Variants in ANKRD44 observed in about 807,000 individuals in gnomAD.
The protein encoded by ANKRD44 is ankyrin repeat domain 44.
Under a neutral mutation model 116.0 loss-of-function variants are expected in ANKRD44, and 35 were observed. The ratio of observed to expected loss-of-function variants is 0.30; its 90% CI spans 0.23 to 0.40. The LOEUF is 0.40. ANKRD44 is among the 10% of genes least tolerant of loss of function. The pLI is 1.00. For missense variants in ANKRD44, 1,014 were observed against 1,242.6 expected, an observed-to-expected ratio of 0.82 and a Z score of 2.77; for synonymous variants, 435 against 461.8, an observed-to-expected ratio of 0.94 and a Z score of 0.74.
chr2:197,109,035 AGCATGGCCTGACGCACAGGGATGAACCT>A (rs2078503884), intron 9 of ANKRD44, among the ~76,000 whole-genome samples: 1 of 152,236 alleles, frequency 6.6e-6, no homozygotes, highest in Non-Finnish European at 1.5e-5. Context: ...AGAGATGACC[AGCATGGCCTGACGCACAGGGATGAACCT>A]GCGGGGAAGG....
intron 1 of ANKRD44, chr2:197,198,832 T>C (rs2081024981): frequency 7.1e-6 from 1 of 140,900 alleles, no homozygotes; most frequent in Admixed American, 6.7e-5. Flanking sequence ...AATGTAAATC[T>C]AGCTCCACCT....
At chr2:197,193,806 C>T (rs797019340) in intron 1 of ANKRD44, among the ~76,000 whole-genome samples, 25 of 152,198 alleles carry the variant, frequency 1.6e-4, no homozygotes, top group African/African-American at 5.3e-4. Flanking sequence ...GGCGTGAACC[C>T]GGGAGGCAGA....
intron 4 of ANKRD44, among the ~76,000 whole-genome samples, chr2:197,131,386 T>G (rs1169241908): frequency 6.6e-6 from 1 of 151,746 alleles, no homozygotes; most frequent in African/African-American, 2.4e-5. Context: ...AGAGACGGGG[T>G]TTCACCATGT....
intron 17 of ANKRD44, among the ~76,000 whole-genome samples, chr2:197,024,893 T>G (rs2076562160): frequency 6.6e-6 from 1 of 152,246 alleles, no homozygotes; most frequent in South Asian, 2.1e-4. Flanking sequence ...TAAAGACGGT[T>G]AAACTCTACA....
intron 25 of ANKRD44, 41 bp from the exon 26 acceptor site, chr2:196,995,502 C>G: frequency 1.4e-6 from 2 of 1,429,876 alleles, no homozygotes; most frequent in Non-Finnish European, 1.9e-6. Flanking sequence ...AAGATAGAGA[C>G]ACAGAAAAGT....
At chr2:197,074,130 C>G (rs945713887) in intron 16 of ANKRD44, among the ~76,000 whole-genome samples, 1 of 152,210 alleles carries the variant, frequency 6.6e-6, no homozygotes, top group Non-Finnish European at 1.5e-5. Flanking sequence ...TGCTCACCCC[C>G]ACCCTCGCCC....
At chr2:196,979,791 A>G (rs1263473927) in intron 21 of ANKRD44, among the ~76,000 whole-genome samples, 1 of 151,836 alleles carries the variant, frequency 6.6e-6, no homozygotes, top group African/African-American at 2.4e-5. Context: ...CGAACTCCCA[A>G]CCTCAGGTGA....
intron 1 of ANKRD44, among the ~76,000 whole-genome samples, chr2:197,238,664 G>T (rs1359494371): frequency 6.6e-6 from 1 of 151,948 alleles, no homozygotes; most frequent in Non-Finnish European, 1.5e-5. Flanking sequence ...GACTGGTATG[G>T]TGCTCGATGG....
chr2:197,107,045 T>C (rs1176643726), intron 9 of ANKRD44, among the ~76,000 whole-genome samples: 2 of 152,198 alleles, frequency 1.3e-5, no homozygotes, highest in Non-Finnish European at 2.9e-5. Flanking sequence ...ATATTGGAGA[T>C]TGATCATTGA....
chr2:197,228,945 G>T (rs936759459), intron 1 of ANKRD44, among the ~76,000 whole-genome samples: 1 of 152,220 alleles, frequency 6.6e-6, no homozygotes, highest in South Asian at 2.1e-4. Context: ...TGAGGCAGCA[G>T]AATCACTTGA....
intron 2 of ANKRD44, among the ~76,000 whole-genome samples, chr2:197,175,645 G>A (rs968107596): frequency 3.9e-5 from 6 of 152,166 alleles, no homozygotes; most frequent in African/African-American, 1.2e-4. Context: ...TTGCAGCAAT[G>A]TGATTCCTTC....
chr2:197,157,062 A>G (rs540447584), intron 2 of ANKRD44, among the ~76,000 whole-genome samples: 2 of 152,324 alleles, frequency 1.3e-5, no homozygotes, highest in South Asian at 2.1e-4. Flanking sequence ...AAAACTTCGC[A>G]AACTGTACAC....
chr2:197,112,723 G>GA (rs1263057691), intron 8 of ANKRD44, among the ~76,000 whole-genome samples: 2 of 134,628 alleles, frequency 1.5e-5, no homozygotes, highest in Non-Finnish European at 3.2e-5. Context: ...AAAAAAAAAA[G>GA]AAAAAAAGAA....
intron 8 of ANKRD44, among the ~76,000 whole-genome samples, chr2:197,115,271 T>C (rs1247205219): frequency 6.6e-6 from 1 of 152,236 alleles, no homozygotes. Flanking sequence ...GTGCCTTCTT[T>C]AACGCTTACT....
intron 17 of ANKRD44, among the ~76,000 whole-genome samples, chr2:197,018,649 T>C (rs1232296024): frequency 6.6e-6 from 1 of 152,240 alleles, no homozygotes; most frequent in Non-Finnish European, 1.5e-5. Flanking sequence ...TTGCTTATTG[T>C]TTGTGATTGA....
intron 21 of ANKRD44, among the ~76,000 whole-genome samples, chr2:196,975,846 A>C (rs2075756833): frequency 6.6e-6 from 1 of 150,536 alleles, no homozygotes; most frequent in South Asian, 2.1e-4. Context: ...AGAAAGAAGG[A>C]AAGAAGGAAA....
chr2:197,170,759 G>A (rs1177099190), intron 2 of ANKRD44, among the ~76,000 whole-genome samples: 1 of 152,192 alleles, frequency 6.6e-6, no homozygotes, highest in Non-Finnish European at 1.5e-5. Flanking sequence ...AGAGTTTAGA[G>A]TCTCTTTCCT....
intron 22 of ANKRD44, among the ~76,000 whole-genome samples, 169 bp downstream of exon 22, chr2:197,001,584 G>A (rs1045095474): frequency 2.6e-5 from 4 of 152,132 alleles, no homozygotes; most frequent in African/African-American, 7.2e-5. Context: ...AAAAATCTCC[G>A]GGAAAATCAT....
intron 3 of ANKRD44, among the ~76,000 whole-genome samples, chr2:197,138,815 A>G (rs989637984): frequency 2.0e-5 from 3 of 152,096 alleles, no homozygotes; most frequent in African/African-American, 7.2e-5. Context: ...AGTCCTAGAG[A>G]GCTGGAATTA....
Sources: gnomAD v4.1 joint callset for allele counts (sites outside exome capture counted in the v4.1 genomes callset) on GRCh38, gnomAD v4.1.1 for gene constraint, MANE v1.5 for transcripts, NCBI Gene and HGNC (gene_info 2026-07-23, HGNC 2026-07-21) for gene names.